EPB41L3: variants seen among roughly 807,000 people sequenced by gnomAD.
The protein encoded by EPB41L3 is band 4.1-like protein 3.
Under a neutral mutation model 127.1 loss-of-function variants are expected in EPB41L3, and 57 were observed. The ratio of observed to expected loss-of-function variants is 0.45; its 90% CI spans 0.36 to 0.56. The LOEUF (loss-of-function observed/expected upper bound fraction) is 0.56, where lower values mean the gene tolerates loss of function less well. EPB41L3 is among the 20% of genes least tolerant of loss of function. EPB41L3 has a pLI of 0.00. For missense variants in EPB41L3, 1,273 were observed against 1,372.2 expected (o/e 0.93, Z 1.14); for synonymous variants, 572 against 549.5 (o/e 1.04, Z -0.57).
At chr18:5,403,824 A>C (rs2074924571) in intron 16 of EPB41L3, among the ~76,000 whole-genome samples, 1 of 152,184 alleles carries the variant, frequency 6.6e-6, no homozygotes, top group Admixed American at 6.5e-5. Flanking sequence ...ATATCAAATT[A>C]GTAACTTATT....
rs770671688 is a variant in EPB41L3, at chr18:5,489,095, C to T, written c.89G>A (p.Gly30Glu). 8.2e-6 allele frequency: 13 copies of T among 1,593,758 alleles called. No homozygotes were observed. In the African/African-American group the frequency reaches 1.2e-4, roughly 15 times the overall value. Residue 30 changes from glycine (G) to glutamate (E), a missense_variant, in exon 2 of 23, where the codon GGG (glycine) becomes GAG (glutamate). Physicochemically the swap from Gly to Glu is moderately conservative, Grantham distance 98. Coordinates refer to ENST00000341928, the MANE Select transcript of EPB41L3 (RefSeq NM_012307.5). ...QEAAGAQGRAGAPVPEPPKEE... is the reference protein window; with the variant it reads ...QEAAGAQGRAEAPVPEPPKEE... ...CTTGGGCGGCTCCGGCACGGGCGCC[C>T]CCGCGCGCCCCTGCGCCCCCGCCGC...
chr18:5,456,275 C>T (rs1414092866), intron 3 of EPB41L3, among the ~76,000 whole-genome samples: 1 of 152,134 alleles, frequency 6.6e-6, no homozygotes, highest in Non-Finnish European at 1.5e-5. Context: ...AATCTGTGTC[C>T]TTTCCTGTCC....
intron 2 of EPB41L3, among the ~76,000 whole-genome samples, chr18:5,613,499 C>A (rs970930959): frequency 3.9e-5 from 6 of 152,118 alleles, no homozygotes; most frequent in Non-Finnish European, 7.4e-5. Context: ...CCTATTGACC[C>A]CTCCAACCAA....
At chr18:5,404,241 A>C (rs184210891) in intron 16 of EPB41L3, among the ~76,000 whole-genome samples, 231 of 152,286 alleles carry the variant, frequency 1.5e-3, no homozygotes, top group African/African-American at 5.3e-3. Context: ...TCCTTTGATA[A>C]GCAGGGTTAA....
At chr18:5,578,868 T>C (rs1478954991) in intron 3 of EPB41L3, among the ~76,000 whole-genome samples, 1 of 152,204 alleles carries the variant, frequency 6.6e-6, no homozygotes, top group Non-Finnish European at 1.5e-5. Context: ...TCTCCTGATG[T>C]TGAACATTCA....
intron 8 of EPB41L3, among the ~76,000 whole-genome samples, chr18:5,432,095 G>A (rs2079086436): frequency 6.6e-6 from 1 of 152,136 alleles, no homozygotes; most frequent in African/African-American, 2.4e-5. Flanking sequence ...GTGATCCGCG[G>A]CAAAACCAAT....
chr18:5,594,869 G>T (rs1203391408), intron 3 of EPB41L3, among the ~76,000 whole-genome samples: 1 of 152,146 alleles, frequency 6.6e-6, no homozygotes, highest in Middle Eastern at 3.2e-3. Flanking sequence ...CAAAACTATT[G>T]AAATTGTAAT....
At chr18:5,474,088 G>A (rs542846738) in intron 3 of EPB41L3, among the ~76,000 whole-genome samples, 5 of 152,044 alleles carry the variant, frequency 3.3e-5, no homozygotes, top group South Asian at 2.1e-4. Flanking sequence ...AAAATTAGCC[G>A]GGCGTGGTGG....
intron 6 of EPB41L3, among the ~76,000 whole-genome samples, chr18:5,437,418 G>A (rs998556331): frequency 4.6e-5 from 7 of 152,122 alleles, no homozygotes; most frequent in Non-Finnish European, 1.0e-4. Flanking sequence ...AGTTTCTATT[G>A]TTTATCAATC....
At chr18:5,512,091 A>G (rs1354345272) in intron 1 of EPB41L3, among the ~76,000 whole-genome samples, 2 of 152,212 alleles carry the variant, frequency 1.3e-5, no homozygotes, top group Admixed American at 6.5e-5. Flanking sequence ...GGATCAGACC[A>G]CCCAGCTGCT....
rs774031020 is a variant in EPB41L3, at chr18:5,410,624, T to C, written c.2068-5A>G. ...GTCCGTGCGCTCACTGTCAGTCTGT[T>C]GACCACAGAAGTGATCAGGTTCCAG... is the stretch of plus-strand genomic sequence containing the variant. On this transcript the variant is annotated splice_region_variant and splice_polypyrimidine_tract_variant and intron_variant, in intron 13 of 22. Transcript: ENST00000341928. 1.4e-5 allele frequency: 22 copies of C among 1,612,948 alleles called. No homozygotes were observed. The highest frequency in any genetic ancestry group is 1.6e-4 in the Middle Eastern group (1 of 6,080).
At chr18:5,501,000 G>A (rs781437160) in intron 1 of EPB41L3, among the ~76,000 whole-genome samples, 3 of 152,116 alleles carry the variant, frequency 2.0e-5, no homozygotes, top group Non-Finnish European at 4.4e-5. Flanking sequence ...AGGAGGGGGA[G>A]TAGGAACTTT....
At position 5,478,276 on chromosome 18, in the gene EPB41L3, G is replaced by T. The variant is rs779996389; in HGVS notation, c.346C>A (p.Leu116Ile). 4 of 1,614,176 alleles carry T rather than the reference G, an allele frequency of 2.5e-6. No individual in the cohort carries two copies. The highest frequency in any genetic ancestry group is 1.7e-5 in the Admixed American group (1 of 60,032). Residue 116 changes from leucine to isoleucine, a missense_variant, in exon 3 of 23, where the codon CTT becomes ATT. By Grantham distance (5) the Leu-to-Ile change is conservative. Coordinates refer to ENST00000341928, the MANE Select transcript of EPB41L3 (RefSeq NM_012307.5). ...CAGGTATATTCTGATCCATCGAGAA[G>T]TATCACTTTGCACTGCATGCTTTTA... ...KPKSMQCKVI[L>I]LDGSEYTCDV...
chr18:5,588,048 C>T (rs972735510), intron 3 of EPB41L3, among the ~76,000 whole-genome samples: 6 of 152,084 alleles, frequency 3.9e-5, no homozygotes, highest in Admixed American at 3.3e-4. Flanking sequence ...ATGAAGGCAA[C>T]ACAATTTTAA....
chr18:5,617,170 C>T (rs1014910347), intron 1 of EPB41L3, among the ~76,000 whole-genome samples: 13 of 152,004 alleles, frequency 8.6e-5, no homozygotes, highest in African/African-American at 3.1e-4. Context: ...TACTGGCCTC[C>T]CTATAAAATG....
chr18:5,489,421 CT>C (rs1274653873), intron 1 of EPB41L3: 7 of 504,468 alleles, frequency 1.4e-5, no homozygotes, highest in Admixed American at 4.1e-5. Flanking sequence ...AAAAGTTGAT[CT>C]GTAATGATCA....
chr18:5,418,998 AG>A (rs1310138163), intron 12 of EPB41L3, among the ~76,000 whole-genome samples: 2 of 152,160 alleles, frequency 1.3e-5, no homozygotes, highest in Non-Finnish European at 2.9e-5. Context: ...AGCCTCCTGA[AG>A]GGTTTTTTGA....
At chr18:5,529,804 C>G (rs2093351558) in intron 1 of EPB41L3, among the ~76,000 whole-genome samples, 2 of 152,116 alleles carry the variant, frequency 1.3e-5, no homozygotes, top group South Asian at 4.1e-4. Context: ...GATCTTTGAG[C>G]TGGACCTCTC....
intron 3 of EPB41L3, among the ~76,000 whole-genome samples, chr18:5,462,458 G>T (rs969043877): frequency 1.2e-4 from 18 of 152,114 alleles, no homozygotes; most frequent in African/African-American, 4.3e-4. Flanking sequence ...TCCTTGCATG[G>T]CACTTAGAAA....
Sources: allele counts gnomAD v4.1 joint callset (sites outside exome capture counted in the v4.1 genomes callset), GRCh38; gene constraint gnomAD v4.1.1; transcripts MANE v1.5; gene names NCBI Gene and HGNC (gene_info 2026-07-23, HGNC 2026-07-21).